The following CASK variants were observed in gnomAD, a reference collection of about 807,000 sequenced individuals.
CASK encodes the protein peripheral plasma membrane protein CASK.
A neutral mutation model predicts 82.9 loss-of-function variants in CASK; 4 were observed. The ratio of observed to expected loss-of-function variants is 0.05; its 90% CI spans 0.02 to 0.11. The LOEUF is 0.11. Among genes scored for constraint, CASK ranks in the 10% least tolerant of loss-of-function variants. The pLI, the probability that CASK is intolerant of heterozygous loss-of-function variation, is 1.00. For missense variants in CASK, 358 were observed against 720.9 expected, an observed-to-expected ratio of 0.50 and a Z score of 5.76; for synonymous variants, 259 against 253.5, an observed-to-expected ratio of 1.02 and a Z score of -0.20.
At chrX:41,580,157 T>C (rs1602295243) in intron 14 of CASK, among the ~76,000 whole-genome samples, 1 of 112,406 alleles carries the variant, frequency 8.9e-6, no homozygotes, top group East Asian at 2.8e-4. Flanking sequence ...TCTGATTTAA[T>C]TGTGGTCACA....
chrX:41,544,733 A>C (rs188198813), intron 21 of CASK, among the ~76,000 whole-genome samples: 2 of 84,637 alleles, frequency 2.4e-5, no homozygotes, highest in East Asian at 6.1e-4. Context: ...AAAAACAAAC[A>C]AAAAAAAATT....
intron 5 of CASK, chrX:41,695,736 C>G (rs369375466): frequency 8.3e-7 from 1 of 1,209,283 alleles, no homozygotes. Flanking sequence ...CCAACCGCCA[C>G]AAAACTTCTC....
At chrX:41,821,075 G>A (rs1349400344) in intron 2 of CASK, among the ~76,000 whole-genome samples, 1 of 111,487 alleles carries the variant, frequency 9.0e-6, no homozygotes, top group Non-Finnish European at 1.9e-5. Context: ...GAAAAAAACT[G>A]TAAACTGGAC....
chrX:41,589,736 T>C, intron 12 of CASK, 144 bp from the exon 13 acceptor site: 1 of 469,203 alleles, frequency 2.1e-6, no homozygotes, highest in East Asian at 3.8e-5. Context: ...GGTAATAACC[T>C]CTGAATTGTT....
chrX:41,530,045 C>T (rs1386659093), intron 25 of CASK, among the ~76,000 whole-genome samples: 2 of 111,910 alleles, frequency 1.8e-5, no homozygotes, highest in Admixed American at 9.4e-5. Context: ...CCTGATGAAA[C>T]ACAGCCTGCT....
intron 22 of CASK, among the ~76,000 whole-genome samples, chrX:41,541,147 G>C (rs1295032307): frequency 8.9e-6 from 1 of 112,467 alleles, no homozygotes. Flanking sequence ...CAGAAGTAAG[G>C]GCAACTAAGG....
chrX:41,853,009 A>G, intron 2 of CASK, 106 bp downstream of exon 2: 1 of 544,769 alleles, frequency 1.8e-6, no homozygotes, highest in Non-Finnish European at 3.3e-6. Context: ...CCTCTACATC[A>G]TACCCTCTGC....
intron 5 of CASK, among the ~76,000 whole-genome samples, chrX:41,708,449 ATACTT>A (rs1322102536): frequency 8.9e-6 from 1 of 112,394 alleles, no homozygotes; most frequent in Non-Finnish European, 1.9e-5. Context: ...GTAGTTGTGA[ATACTT>A]TACAAAAGTA....
In CASK at chrX:41,694,933, A is replaced by C. The variant is rs180998670; in HGVS notation, c.430-23403T>G. ...AATGAATGCCACATATGAGGGAAAA[A>C]GTCAAGGCAGGAAGTGGTTCTGAAG... On this transcript the variant is annotated intron_variant, in intron 5 of 26. Transcript: ENST00000378163. 1.9e-3 allele frequency among the ~76,000 whole-genome samples: 218 copies of C among 112,012 alleles called. 3 individuals are homozygous for C. The highest frequency in any genetic ancestry group is 0.017 in the Admixed American group (178 of 10,553).
chrX:41,529,131 C>T (rs2064758929), intron 25 of CASK, among the ~76,000 whole-genome samples: 1 of 111,771 alleles, frequency 8.9e-6, no homozygotes, highest in African/African-American at 3.3e-5. Context: ...TGAGAGATCA[C>T]AGTTCTGAGA....
At chrX:41,688,593 C>T (rs2067484984) in intron 5 of CASK, among the ~76,000 whole-genome samples, 2 of 111,829 alleles carry the variant, frequency 1.8e-5, no homozygotes, top group African/African-American at 3.3e-5. Flanking sequence ...TGAAAATATG[C>T]TAAAATAATG....
chrX:41,565,092 G>C (rs766284040), intron 16 of CASK, among the ~76,000 whole-genome samples: 2 of 112,132 alleles, frequency 1.8e-5, no homozygotes, highest in South Asian at 7.4e-4. Context: ...GCAGTGTGTA[G>C]AGGGAAATTT....
At chrX:41,874,509 T>C (rs1182479180) in intron 1 of CASK, among the ~76,000 whole-genome samples, 3 of 112,282 alleles carry the variant, frequency 2.7e-5, no homozygotes, top group Non-Finnish European at 5.6e-5. Context: ...TGTTCCTTTT[T>C]ATGGCTGCAT....
chrX:41,656,514 T>C (rs2066943336), intron 8 of CASK, among the ~76,000 whole-genome samples: 1 of 112,131 alleles, frequency 8.9e-6, no homozygotes, highest in African/African-American at 3.2e-5. Flanking sequence ...CAGCCCATAA[T>C]GTTCCAGCAG....
chrX:41,640,546 T>A (rs899917582), intron 8 of CASK, among the ~76,000 whole-genome samples: 1 of 111,563 alleles, frequency 9.0e-6, no homozygotes, highest in Non-Finnish European at 1.9e-5. Context: ...GGTCAGTCTT[T>A]TTGATTTTAG....
At chrX:41,565,865 C>G (rs2065308130) in intron 16 of CASK, among the ~76,000 whole-genome samples, 1 of 111,798 alleles carries the variant, frequency 8.9e-6, no homozygotes, top group Non-Finnish European at 1.9e-5. Flanking sequence ...AATCCAGCAG[C>G]TCATCAAAAA....
At chrX:41,619,516 T>A (rs1249904886) in intron 11 of CASK, among the ~76,000 whole-genome samples, 1 of 111,769 alleles carries the variant, frequency 8.9e-6, no homozygotes. Flanking sequence ...TTTCTGCTAC[T>A]ATTATGAAAT....
intron 8 of CASK, among the ~76,000 whole-genome samples, chrX:41,641,716 AACTTT>A (rs771079493): frequency 5.4e-5 from 6 of 110,973 alleles, no homozygotes; most frequent in East Asian, 2.8e-4. Flanking sequence ...TTAATTAAAA[AACTTT>A]ACTTTTATTT....
chrX:41,663,758 G>A (rs2067072800), intron 7 of CASK, among the ~76,000 whole-genome samples: 1 of 111,778 alleles, frequency 8.9e-6, no homozygotes, highest in Non-Finnish European at 1.9e-5. Flanking sequence ...TGCTGTGAGG[G>A]TTAAATGAAT....
Sources: allele counts gnomAD v4.1 joint callset (sites outside exome capture counted in the v4.1 genomes callset), GRCh38; gene constraint gnomAD v4.1.1; transcripts MANE v1.5; gene names NCBI Gene and HGNC (gene_info 2026-07-23, HGNC 2026-07-21).